FANCM: variants seen among roughly 807,000 people sequenced by gnomAD.
FANCM encodes FA complementation group M.
A neutral mutation model predicts 199.5 loss-of-function variants in FANCM; 140 were observed. The observed-to-expected ratio is 0.70, with a 90% CI of 0.61 to 0.81. The LOEUF is 0.81. FANCM is among the 30% of genes least tolerant of loss of function. The probability of loss-of-function intolerance (pLI) is 0.00; values close to 1 mark genes in which losing one functional copy is unlikely to be tolerated. For synonymous variants in FANCM, 840 were observed against 836.8 expected (o/e 1.00, Z -0.07); for missense variants, 2,410 against 2,421.4 (o/e 1.00, Z 0.10).
chr14:45,150,657 A>G (rs1337841056), intron 4 of FANCM, among the ~76,000 whole-genome samples: 2 of 152,150 alleles, frequency 1.3e-5, no homozygotes, highest in Non-Finnish European at 2.9e-5. Context: ...TGTGAACTCA[A>G]ATGTTCTCTT....
chr14:45,175,106 T>C lies in FANCM; in HGVS notation c.2352T>C (p.Tyr784=), dbSNP rs1407790819. ...ECSYELEVES[Y]LQMEDVTSTF... ...GCTATGAATTGGAAGTTGAATCTTA[T>C]TTACAAATGGAAGATGTTACCTCAA... Residue 784 remains tyrosine, a synonymous_variant, in exon 14 of 23, where the codon TAT becomes TAC. Transcript: ENST00000267430. The C allele has an allele frequency of 6.2e-7, 1 of 1,611,976 alleles. No homozygotes were observed. The highest frequency in any genetic ancestry group is 1.1e-5 in the South Asian group (1 of 90,758).
At chr14:45,190,035 G>T (rs1228363807) in intron 20 of FANCM, among the ~76,000 whole-genome samples, 1 of 151,454 alleles carries the variant, frequency 6.6e-6, no homozygotes, top group African/African-American at 2.4e-5. Context: ...GAAGGCTTTG[G>T]GTATGTAAGT....
intron 10 of FANCM, among the ~76,000 whole-genome samples, chr14:45,164,860 C>T (rs1887855067): frequency 6.6e-6 from 1 of 152,170 alleles, no homozygotes; most frequent in African/African-American, 2.4e-5. Flanking sequence ...TCCTGTGCTT[C>T]TAAAGAAGGC....
chr14:45,185,394 T>C, intron 18 of FANCM, 21 bp downstream of exon 18: 1 of 1,468,800 alleles, frequency 6.8e-7, no homozygotes, highest in Non-Finnish European at 9.3e-7. Context: ...TAATGATCCT[T>C]AAAATTTTTT....
intron 9 of FANCM, among the ~76,000 whole-genome samples, chr14:45,161,802 G>T (rs1887627979): frequency 6.6e-6 from 1 of 151,888 alleles, no homozygotes; most frequent in South Asian, 2.1e-4. Context: ...AATCATGCTG[G>T]TTATTGTCTG....
chr14:45,163,003 C>T lies in FANCM; in HGVS notation c.1582-1356C>T, dbSNP rs761724954. On this transcript the variant is annotated intron_variant, in intron 9 of 22. Coordinates refer to ENST00000267430, the MANE Select transcript of FANCM (RefSeq NM_020937.4). ...ATGATCATTGTTTCTCCCTGTACTC[C>T]GAGGATTTCCATATTGAAAGAAAAT... is the stretch of plus-strand genomic sequence containing the variant. 1.0e-3 allele frequency among the ~76,000 whole-genome samples: 133 copies of T among 127,624 alleles called. 1 individual carries two copies. The highest frequency in any genetic ancestry group is 3.3e-3 in the Admixed American group (41 of 12,388). 83.7% of individuals were successfully genotyped at this position (127,624 alleles called of 152,430 possible).
At chr14:45,157,200 C>G (rs868749742) in intron 8 of FANCM, among the ~76,000 whole-genome samples, 1 of 152,058 alleles carries the variant, frequency 6.6e-6, no homozygotes, top group Non-Finnish European at 1.5e-5. Context: ...TTTTGAGACA[C>G]CTAAGTGTCA....
chr14:45,183,223 G>T (rs555892126), intron 16 of FANCM, among the ~76,000 whole-genome samples: 1 of 152,252 alleles, frequency 6.6e-6, no homozygotes, highest in East Asian at 1.9e-4. Flanking sequence ...TGATCAATTT[G>T]TTTTAAACTA....
In FANCM at chr14:45,157,786, T is replaced by C. The variant is rs541099112; in HGVS notation, c.1397-1310T>C. On this transcript the variant is annotated intron_variant, in intron 8 of 22. Coordinates refer to ENST00000267430, the MANE Select transcript of FANCM (RefSeq NM_020937.4). ...CTACGTTTTGTTTTTGTATTGTAAA[T>C]TAACTTTATATTTAATAAGTCATTT... Among the ~76,000 whole-genome samples, 264 of 152,344 alleles carry C rather than the reference T, an allele frequency of 1.7e-3. 1 individual carries two copies. The highest frequency in any genetic ancestry group is 6.2e-3 in the African/African-American group (257 of 41,578).
intron 20 of FANCM, chr14:45,195,449 T>C (rs772954863): frequency 3.3e-5 from 14 of 427,346 alleles, no homozygotes. Flanking sequence ...TATTTGCGCT[T>C]ATAATAAACG....
chr14:45,152,808 T>C (rs1216100772), intron 5 of FANCM, among the ~76,000 whole-genome samples: 1 of 152,246 alleles, frequency 6.6e-6, no homozygotes, highest in African/African-American at 2.4e-5. Flanking sequence ...TAACTTTAAC[T>C]ATTATACCAC....
At position 45,189,327 on chromosome 14, in the gene FANCM, C is replaced by G. The variant is rs1277570500; in HGVS notation, c.5305C>G (p.Gln1769Glu). ...ACCACCCTTCACTACTGTTGATTCA[C>G]AGAAAGACTGTAGAAAATTTCCAGT... ...TTPPFTTVDSQKDCRKFPVPQ... is the reference protein window; with the variant it reads ...TTPPFTTVDSEKDCRKFPVPQ... The change falls in exon 20 of 23, where the codon CAG (glutamine) becomes GAG (glutamate). Residue 1769 changes from glutamine to glutamate, a missense_variant. Transcript: ENST00000267430. The G allele has an allele frequency of 6.2e-7, 1 of 1,613,640 alleles. No individual in the cohort carries two copies. The highest frequency in any genetic ancestry group is 8.5e-7 in the Non-Finnish European group (1 of 1,179,594).
chr14:45,157,447 A>G (rs1362684020), intron 8 of FANCM, among the ~76,000 whole-genome samples: 2 of 152,194 alleles, frequency 1.3e-5, no homozygotes, highest in African/African-American at 4.8e-5. Context: ...TGGGGAGGAA[A>G]CTGGACAAGT....
Position 45,176,892 on chromosome 14 carries a change from A to C in FANCM, c.4138A>C (p.Thr1380Pro). ...AAGATTCAAAGAAGCATTGAATTCA[A>C]CTTTTGATTATTCAGAATTTTCTCT... ...LQRFKEALNS[T>P]FDYSEFSLEK... Residue 1380 changes from threonine to proline, a missense_variant, in exon 14 of 23, where the codon ACT (threonine) becomes CCT (proline). Thr to Pro is a conservative substitution (Grantham distance 38). Transcript: ENST00000267430. 1 of 1,611,328 alleles carries C rather than the reference A, an allele frequency of 6.2e-7. No homozygotes were observed. The highest frequency in any genetic ancestry group is 2.2e-5 in the East Asian group (1 of 44,718).
In FANCM at chr14:45,181,618, C is replaced by CT. The variant is rs764373000; in HGVS notation, c.4318-16dup. ...CTGCTGAGACTTTTGTTGCCTTTTA[C>CT]TTTATTTACTTACTTTAGGATCAGA... is the stretch of plus-strand genomic sequence containing the variant. On this transcript the variant is annotated intron_variant, in intron 15 of 22. Transcript: ENST00000267430. 1.6e-5 allele frequency: 25 copies of CT among 1,598,016 alleles called. 1 individual carries two copies. The highest frequency in any genetic ancestry group is 2.1e-5 in the Non-Finnish European group (24 of 1,165,952).
intron 8 of FANCM, among the ~76,000 whole-genome samples, chr14:45,156,029 T>C (rs1887162848): frequency 6.6e-6 from 1 of 152,054 alleles, no homozygotes; most frequent in Non-Finnish European, 1.5e-5. Context: ...AAACAATATA[T>C]AGTACCAGTA....
At chr14:45,156,345 T>A (rs1371728555) in intron 8 of FANCM, among the ~76,000 whole-genome samples, 1 of 152,158 alleles carries the variant, frequency 6.6e-6, no homozygotes, top group African/African-American at 2.4e-5. Flanking sequence ...ATATCAGACT[T>A]TAGTTTTTAA....
chr14:45,152,779 G>A (rs898829225), intron 5 of FANCM, among the ~76,000 whole-genome samples: 10 of 152,184 alleles, frequency 6.6e-5, no homozygotes, highest in African/African-American at 2.4e-4. Context: ...TGATAATATA[G>A]GTTGTGACTA....
At chr14:45,161,298 C>G (rs1185886838) in intron 9 of FANCM, among the ~76,000 whole-genome samples, 1 of 152,088 alleles carries the variant, frequency 6.6e-6, no homozygotes, top group East Asian at 1.9e-4. Flanking sequence ...AACGAGCTTG[C>G]AGGCAAATAA....
Sources: gnomAD v4.1 joint callset for allele counts (sites outside exome capture counted in the v4.1 genomes callset) on GRCh38, gnomAD v4.1.1 for gene constraint, MANE v1.5 for transcripts, NCBI Gene and HGNC (gene_info 2026-07-23, HGNC 2026-07-21) for gene names.